SUMF1: variants seen among roughly 807,000 people sequenced by gnomAD.
SUMF1 encodes formylglycine-generating enzyme.
A neutral mutation model predicts 47.6 loss-of-function variants in SUMF1; 48 were observed. The ratio of observed to expected loss-of-function variants is 1.01; its 90% confidence interval spans 0.80 to 1.28. The LOEUF is 1.28. Among genes scored for constraint, SUMF1 ranks in the 50% most tolerant of loss-of-function variants. SUMF1 has a pLI of 0.00. For synonymous variants in SUMF1, 230 were observed against 192.1 expected, an observed-to-expected ratio of 1.20 and a Z score of -1.63; for missense variants, 571 against 485.4, an observed-to-expected ratio of 1.18 and a Z score of -1.66.
rs190486632 is a variant in SUMF1, at chr3:4,283,340, C to T, written c.1014+92990G>A. ...TGTTAAAAAAGAACTATACGTTCAA[C>T]TAGAACTATTTGGCAGTCTGTGGGA... On this transcript the variant is annotated intron_variant and NMD_transcript_variant, in intron 8 of 12. Transcript: ENST00000448413. Among the ~76,000 whole-genome samples, 142 of 152,280 alleles carry T rather than the reference C, an allele frequency of 9.3e-4. 1 individual carries two copies. Among genetic ancestry groups the T allele is most frequent in the Admixed American group, 5.5e-3 (84 of 15,294 alleles).
intron 8 of SUMF1, among the ~76,000 whole-genome samples, chr3:4,331,907 A>AAGT (rs1429462864): frequency 2.0e-5 from 3 of 152,190 alleles, no homozygotes; most frequent in Non-Finnish European, 4.4e-5. Flanking sequence ...TCATAGAAGC[A>AAGT]AGTTTTATGC....
intron 8 of SUMF1, among the ~76,000 whole-genome samples, chr3:4,175,184 C>A (rs1694930499): frequency 6.6e-6 from 1 of 152,202 alleles, no homozygotes; most frequent in Non-Finnish European, 1.5e-5. Context: ...AGCAGTGTTT[C>A]TCCCAGCATG....
At chr3:4,094,641 T>C (rs1188326680) in intron 8 of SUMF1, among the ~76,000 whole-genome samples, 7 of 152,110 alleles carry the variant, frequency 4.6e-5, no homozygotes, top group Admixed American at 4.6e-4. Flanking sequence ...CTTCACTCCC[T>C]AATTTTAACA....
At chr3:4,164,142 C>A (rs559301452) in intron 8 of SUMF1, among the ~76,000 whole-genome samples, 1 of 152,258 alleles carries the variant, frequency 6.6e-6, no homozygotes, top group South Asian at 2.1e-4. Context: ...TCAGGCATAA[C>A]AAGAAAGGCA....
At chr3:4,380,750 G>T (rs115652345) in intron 7 of SUMF1, among the ~76,000 whole-genome samples, 4,179 of 152,180 alleles carry the variant, frequency 0.027, 75 homozygotes, top group Middle Eastern at 0.041. Flanking sequence ...TTGCATGGTC[G>T]CAAGAACAGC....
At chr3:4,401,959 C>G (rs1237980361) in intron 7 of SUMF1, among the ~76,000 whole-genome samples, 1 of 152,144 alleles carries the variant, frequency 6.6e-6, no homozygotes, top group African/African-American at 2.4e-5. Flanking sequence ...AAGCCCCTAG[C>G]TGGTAAGCTT....
At chr3:4,214,500 G>A (rs1319533004) in intron 8 of SUMF1, among the ~76,000 whole-genome samples, 2 of 152,046 alleles carry the variant, frequency 1.3e-5, no homozygotes, top group South Asian at 2.1e-4. Context: ...AAAAGAACTC[G>A]AGAAGCAACA....
chr3:4,055,347 T>C (rs141224657), intron 9 of SUMF1, among the ~76,000 whole-genome samples: 27 of 152,332 alleles, frequency 1.8e-4, no homozygotes, highest in African/African-American at 4.8e-4. Flanking sequence ...CCTGTATTAA[T>C]ATATTGACTC....
At chr3:4,163,841 T>C (rs1198619242) in intron 8 of SUMF1, among the ~76,000 whole-genome samples, 1 of 152,170 alleles carries the variant, frequency 6.6e-6, no homozygotes, top group Non-Finnish European at 1.5e-5. Context: ...AGCCATCATC[T>C]TATATTTTTC....
At chr3:4,154,233 G>A (rs1042980155) in intron 8 of SUMF1, among the ~76,000 whole-genome samples, 1 of 151,450 alleles carries the variant, frequency 6.6e-6, no homozygotes, top group Non-Finnish European at 1.5e-5. Context: ...GCATGATGGT[G>A]GATTCTGGGT....
chr3:4,397,195 C>A (rs942167985), intron 7 of SUMF1, among the ~76,000 whole-genome samples: 1 of 152,194 alleles, frequency 6.6e-6, no homozygotes, highest in East Asian at 1.9e-4. Context: ...ATAGAGAAAT[C>A]CGTTTGTTTT....
intron 9 of SUMF1, among the ~76,000 whole-genome samples, chr3:4,049,314 A>G (rs1695062489): frequency 6.6e-6 from 1 of 152,172 alleles, no homozygotes; most frequent in South Asian, 2.1e-4. Context: ...GTAATGCTGT[A>G]TCACTTCTTC....
intron 8 of SUMF1, among the ~76,000 whole-genome samples, chr3:4,211,404 A>G (rs1018672140): frequency 2.0e-5 from 3 of 151,134 alleles, no homozygotes; most frequent in Non-Finnish European, 4.4e-5. Flanking sequence ...GCTCCAATTA[A>G]TAAGTGAGAA....
At chr3:4,151,623 T>A (rs1273073396) in intron 8 of SUMF1, among the ~76,000 whole-genome samples, 1 of 148,426 alleles carries the variant, frequency 6.7e-6, no homozygotes, top group Non-Finnish European at 1.5e-5. Context: ...TCGAAACTTT[T>A]GGCTTCCCTG....
chr3:4,135,207 T>C (rs1359725517), intron 8 of SUMF1, among the ~76,000 whole-genome samples: 10 of 152,210 alleles, frequency 6.6e-5, no homozygotes, highest in East Asian at 1.9e-4. Flanking sequence ...TGATGAATAT[T>C]GATGCAAAAA....
chr3:4,312,788 CT>C (rs1381463740), intron 8 of SUMF1: 1 of 1,280,004 alleles, frequency 7.8e-7, no homozygotes, highest in Non-Finnish European at 1.1e-6. Context: ...CAGTTTTGTC[CT>C]GTTTTTATAT....
chr3:4,191,593 A>T (rs1383158059), intron 8 of SUMF1, among the ~76,000 whole-genome samples: 1 of 152,142 alleles, frequency 6.6e-6, no homozygotes, highest in Non-Finnish European at 1.5e-5. Flanking sequence ...AGGCAGGTAG[A>T]CTGGGTAGGC....
At chr3:4,332,741 G>A (rs1374736522) in intron 8 of SUMF1, among the ~76,000 whole-genome samples, 2 of 152,164 alleles carry the variant, frequency 1.3e-5, no homozygotes, top group Non-Finnish European at 2.9e-5. Flanking sequence ...GAAATACTGG[G>A]TAGAAGAGAG....
At chr3:4,184,644 TC>T (rs1022681075) in intron 8 of SUMF1, among the ~76,000 whole-genome samples, 2 of 129,092 alleles carry the variant, frequency 1.5e-5, no homozygotes, top group African/African-American at 6.1e-5. Context: ...GAAAACAATT[TC>T]CCTGGATTTT....
Sources: allele counts gnomAD v4.1 joint callset (sites outside exome capture counted in the v4.1 genomes callset), GRCh38; gene constraint gnomAD v4.1.1; transcripts MANE v1.5; gene names NCBI Gene and HGNC (gene_info 2026-07-23, HGNC 2026-07-21).